ANKRD29: variants seen among roughly 807,000 people sequenced by gnomAD.
The protein encoded by ANKRD29 is ankyrin repeat domain 29.
In ANKRD29, 32 loss-of-function variants were observed where a neutral mutation model predicts 38.0. The observed-to-expected ratio is 0.84, with a 90% confidence interval of 0.64 to 1.13. The LOEUF (loss-of-function observed/expected upper bound fraction) is 1.13, where lower values mean the gene tolerates loss of function less well. Among genes scored for constraint, ANKRD29 ranks in the 50% most tolerant of loss-of-function variants. The probability of loss-of-function intolerance (pLI) is 0.00; values close to 1 mark genes in which losing one functional copy is unlikely to be tolerated. For missense variants in ANKRD29, 357 were observed against 377.9 expected, an observed-to-expected ratio of 0.94 and a Z score of 0.46; for synonymous variants, 135 against 152.4, an observed-to-expected ratio of 0.89 and a Z score of 0.84.
intron 1 of ANKRD29, among the ~76,000 whole-genome samples, chr18:23,652,683 T>C (rs1376490167): frequency 6.6e-6 from 1 of 152,236 alleles, no homozygotes; most frequent in African/African-American, 2.4e-5. Context: ...TCACAGAAAC[T>C]GTAAAGCACT....
At chr18:23,662,572 T>G (rs1235466538) in intron 1 of ANKRD29, 138 bp downstream of exon 1, 8 of 845,990 alleles carry the variant, frequency 9.5e-6, no homozygotes, top group Non-Finnish European at 1.3e-5. Flanking sequence ...CGCCCGCAGC[T>G]GGAGGAGAGA....
intron 3 of ANKRD29, among the ~76,000 whole-genome samples, chr18:23,643,069 C>G (rs932328065): frequency 5.9e-5 from 9 of 152,180 alleles, no homozygotes; most frequent in Non-Finnish European, 1.0e-4. Context: ...TGCTATCTGA[C>G]AATCTCTTTT....
At chr18:23,638,550 C>A (rs2060032590) in intron 4 of ANKRD29, among the ~76,000 whole-genome samples, 1 of 152,142 alleles carries the variant, frequency 6.6e-6, no homozygotes, top group African/African-American at 2.4e-5. Flanking sequence ...GCTACTGTAT[C>A]CCTCCTGGTT....
chr18:23,634,174 C>T (rs1404343334), intron 4 of ANKRD29, 25 bp from the exon 5 acceptor site: 2 of 1,592,318 alleles, frequency 1.3e-6, no homozygotes, highest in East Asian at 2.3e-5. Flanking sequence ...AGTATAAACA[C>T]ATTAGAGGTG....
intron 8 of ANKRD29, among the ~76,000 whole-genome samples, chr18:23,616,716 TTTA>T (rs2059727374): frequency 6.8e-6 from 1 of 146,272 alleles, no homozygotes; most frequent in Admixed American, 6.9e-5. Context: ...ATTAGTAATA[TTTA>T]TTACTATTTA....
At chr18:23,611,495 C>T (rs1468237331) in intron 9 of ANKRD29, among the ~76,000 whole-genome samples, 2 of 152,020 alleles carry the variant, frequency 1.3e-5, no homozygotes, top group Non-Finnish European at 2.9e-5. Context: ...ACCAGCCTGG[C>T]TAACATGGTG....
chr18:23,615,417 T>C (rs1430429383), intron 8 of ANKRD29, among the ~76,000 whole-genome samples: 1 of 152,150 alleles, frequency 6.6e-6, no homozygotes, highest in African/African-American at 2.4e-5. Flanking sequence ...TAAAGTTTTA[T>C]AGGAATTAAG....
At position 23,662,695 on chromosome 18, in the gene ANKRD29, G is replaced by T; in HGVS notation, c.21+15C>A. The T allele has an allele frequency of 6.9e-7, 1 of 1,439,788 alleles. No individual in the cohort carries two copies. The highest frequency in any genetic ancestry group is 9.1e-7 in the Non-Finnish European group (1 of 1,098,662). The allele number at this position is 1,439,788 out of a possible 1,614,324, so 89.2% of individuals were successfully genotyped here. On this transcript the variant is annotated intron_variant, in intron 1 of 9. Coordinates refer to ENST00000592179, the MANE Select transcript of ANKRD29 (RefSeq NM_173505.4). ...GCCCGGCCCCAGCCCTGACCCCGGAGTCCCGGTCGCTCACCTTGAAGGACA... is the reference window on the plus strand; with the variant it reads ...GCCCGGCCCCAGCCCTGACCCCGGATTCCCGGTCGCTCACCTTGAAGGACA...
intron 5 of ANKRD29, among the ~76,000 whole-genome samples, 164 bp downstream of exon 5, chr18:23,633,887 T>TTA (rs112486455): frequency 6.6e-5 from 10 of 151,724 alleles, no homozygotes; most frequent in Non-Finnish European, 1.0e-4. Context: ...GGTTTCTATA[T>TTA]AAAAAAAGCC....
At chr18:23,619,496 G>T in intron 7 of ANKRD29, 35 bp downstream of exon 7, 1 of 1,542,786 alleles carries the variant, frequency 6.5e-7, no homozygotes, top group African/African-American at 1.4e-5. Flanking sequence ...GCGCCGGGAG[G>T]CTTCGCTCTT....
rs1489734663 is a variant in ANKRD29, at chr18:23,600,117, TAATTATAAAGTGCATTG to T, written c.*1092_*1108del. ...ACTGACTGAGGCATTTAGACACCAT[TAATTATAAAGTGCATTG>T]AATATAAGTTTTGATCCCTTTCAAA... On this transcript the variant is annotated 3_prime_UTR_variant, in exon 10 of 10. Coordinates refer to ENST00000592179, the MANE Select transcript of ANKRD29 (RefSeq NM_173505.4). 6.6e-6 allele frequency: 1 copy of T among 152,588 alleles called. No homozygotes were observed. Among genetic ancestry groups the T allele is most frequent in the Non-Finnish European group, 1.5e-5 (1 of 68,042 alleles). The allele number at this position is 152,588 out of a possible 1,614,324, so 9.5% of individuals were successfully genotyped here. A position where few individuals can be genotyped will look rare whatever the true frequency, so the allele number is the denominator to read the frequency against.
intron 6 of ANKRD29, among the ~76,000 whole-genome samples, chr18:23,623,682 G>T (rs996987059): frequency 1.3e-5 from 2 of 151,244 alleles, no homozygotes; most frequent in African/African-American, 4.9e-5. Flanking sequence ...TTGCTCTGTC[G>T]CCCAGGCTGG....
Position 23,629,671 on chromosome 18 carries a change from C to A in ANKRD29, c.528+182G>T, listed in dbSNP as rs114107643. Among the ~76,000 whole-genome samples, 706 of 152,304 alleles carry A rather than the reference C, an allele frequency of 4.6e-3. 6 individuals carry two copies. Among genetic ancestry groups the A allele is most frequent in the African/African-American group, 0.016 (649 of 41,566 alleles). ...CAGCTTGGTTTCATAGGCTTTCAGG[C>A]CAGCTCAGAGCATAGAACAGGAGAT... On this transcript the variant is annotated intron_variant, in intron 6 of 9. Transcript: ENST00000592179.
chr18:23,616,574 T>TATAC (rs2059722702), intron 8 of ANKRD29, among the ~76,000 whole-genome samples: 3 of 138,548 alleles, frequency 2.2e-5, no homozygotes, highest in African/African-American at 8.7e-5. Context: ...ACACTATATA[T>TATAC]ACAGTATATA....
chr18:23,662,584 G>A, intron 1 of ANKRD29, 126 bp downstream of exon 1: 1 of 940,736 alleles, frequency 1.1e-6, no homozygotes. Flanking sequence ...GAGGAGAGAG[G>A]AAGGAGGAGG....
chr18:23,604,809 G>A (rs181911911), intron 9 of ANKRD29, among the ~76,000 whole-genome samples: 1 of 152,186 alleles, frequency 6.6e-6, no homozygotes, highest in Non-Finnish European at 1.5e-5. Flanking sequence ...AATTACAGGC[G>A]TGAGCCACCG....
intron 8 of ANKRD29, among the ~76,000 whole-genome samples, chr18:23,613,890 G>A (rs904028163): frequency 1.5e-4 from 23 of 151,834 alleles, no homozygotes; most frequent in African/African-American, 4.6e-4. Context: ...GAGCCCCCAC[G>A]CCCAGCTAAT....
At chr18:23,653,773 A>G (rs561750340) in intron 1 of ANKRD29, among the ~76,000 whole-genome samples, 72 of 151,830 alleles carry the variant, frequency 4.7e-4, no homozygotes, top group African/African-American at 1.7e-3. Flanking sequence ...GTTTTGCCAC[A>G]TTGGCCAGAC....
intron 1 of ANKRD29, 180 bp from the exon 2 acceptor site, chr18:23,649,373 A>G: frequency 1.4e-6 from 1 of 703,438 alleles, no homozygotes; most frequent in Non-Finnish European, 2.6e-6. Context: ...GATTCCAGAC[A>G]CCTGAGCCAC....
Sources: gnomAD v4.1 joint callset for allele counts (sites outside exome capture counted in the v4.1 genomes callset) on GRCh38, gnomAD v4.1.1 for gene constraint, MANE v1.5 for transcripts, NCBI Gene and HGNC (gene_info 2026-07-23, HGNC 2026-07-21) for gene names.